Variants in C6 observed in about 807,000 individuals in gnomAD.
C6 encodes the protein complement C6, also known as complement component C6.
A neutral mutation model predicts 112.9 loss-of-function variants in C6; 101 were observed. The ratio of observed to expected loss-of-function variants is 0.89; its 90% CI spans 0.76 to 1.06. The LOEUF (loss-of-function observed/expected upper bound fraction) is 1.06, where lower values mean the gene tolerates loss of function less well. Ranked by LOEUF, C6 falls within the 50% of genes least tolerant of loss-of-function variation. C6 has a pLI of 0.00. For synonymous variants in C6, 431 were observed against 384.1 expected (o/e 1.12, Z -1.43); for missense variants, 1,202 against 1,104.6 (o/e 1.09, Z -1.25).
At chr5:41,186,036 G>T in intron 6 of C6, 34 bp downstream of exon 6, 5 of 1,613,336 alleles carry the variant, frequency 3.1e-6, no homozygotes, top group Non-Finnish European at 4.2e-6. Context: ...ATCACTGACG[G>T]TGTTGGAGTT....
intron 7 of C6, among the ~76,000 whole-genome samples, chr5:41,177,664 G>GAA (rs1235561874): frequency 6.6e-6 from 1 of 151,726 alleles, no homozygotes; most frequent in South Asian, 2.1e-4. Context: ...TGACACAAAA[G>GAA]AAAAAAAATA....
At chr5:41,161,070 CATA>C (rs776704418) in intron 10 of C6, among the ~76,000 whole-genome samples, 48 of 152,140 alleles carry the variant, frequency 3.2e-4, no homozygotes, top group Non-Finnish European at 6.8e-4. Context: ...ATTCTATTTT[CATA>C]ATGATTGAAA....
intron 7 of C6, among the ~76,000 whole-genome samples, chr5:41,178,080 C>A (rs745511195): frequency 6.6e-6 from 1 of 152,074 alleles, no homozygotes; most frequent in Non-Finnish European, 1.5e-5. Context: ...AGCACAATAA[C>A]CTCCATGGTG....
In C6 at chr5:41,260,782, A is replaced by C. The variant is rs946329137; in HGVS notation, c.-21+412T>G. Among the ~76,000 whole-genome samples the C allele has an allele frequency of 5.9e-5, 9 of 151,996 alleles. No individual in the cohort carries two copies. The South Asian group carries it at 6.2e-4, about 11-fold the overall frequency. On this transcript the variant is annotated intron_variant, in intron 1 of 17. Transcript: ENST00000263413. ...AAGAGTGAAACTCCATCTCAAAAAA[A>C]AAAACAAAACAAAAACAAACCAAAA...
intron 1 of C6, among the ~76,000 whole-genome samples, chr5:41,243,095 T>C (rs185010985): frequency 6.6e-6 from 1 of 152,290 alleles, no homozygotes; most frequent in African/African-American, 2.4e-5. Flanking sequence ...TTGGTGAATA[T>C]AGTGAATAAT....
intron 3 of C6, 65 bp downstream of exon 3, chr5:41,201,493 C>G: frequency 6.9e-7 from 1 of 1,454,072 alleles, no homozygotes; most frequent in Non-Finnish European, 9.6e-7. Context: ...TGCTGTTAAG[C>G]CTGTCAGGGA....
upstream of C6, among the ~76,000 whole-genome samples, chr5:41,217,626 A>C (rs1439799089): frequency 6.6e-6 from 1 of 152,138 alleles, no homozygotes; most frequent in Non-Finnish European, 1.5e-5. Flanking sequence ...AAATGGAATA[A>C]ACTCTTTGGT....
chr5:41,184,473 TTTTCTTTTC>T (rs1561141061), intron 6 of C6, among the ~76,000 whole-genome samples: 1 of 117,098 alleles, frequency 8.5e-6, no homozygotes, highest in Non-Finnish European at 1.9e-5. Flanking sequence ...TTTTCTTTTC[TTTTCTTTTC>T]TTTTTTTTTG....
chr5:41,160,178 C>T lies in C6; in HGVS notation c.1648G>A (p.Glu550Lys). 2 of 1,613,856 alleles carry T rather than the reference C, an allele frequency of 1.2e-6. No individual in the cohort carries two copies. The highest frequency in any genetic ancestry group is 1.7e-6 in the Non-Finnish European group (2 of 1,179,768). The stretch of plus-strand genomic sequence containing the variant: ...TCTGGAGACTGTTTCTCACAGTTCT[C>T]ACCATAGGTGCCACTCTGACACACA... ...LCVCQSGTYG[E>K]NCEKQSPDYK... Residue 550 changes from glutamate (E) to lysine (K), a missense_variant, in exon 11 of 18, where the codon GAG (glutamate) becomes AAG (lysine). Glu to Lys is a moderately conservative substitution (Grantham distance 56). Transcript: ENST00000337836.
intron 5 of C6, among the ~76,000 whole-genome samples, chr5:41,187,114 A>G (rs1341483988): frequency 6.6e-6 from 1 of 152,208 alleles, no homozygotes; most frequent in Non-Finnish European, 1.5e-5. Context: ...TGACCAAATA[A>G]CCTTGTCTTT....
intron 1 of C6, among the ~76,000 whole-genome samples, chr5:41,239,980 GT>G (rs1740595000): frequency 6.6e-6 from 1 of 152,106 alleles, no homozygotes; most frequent in Non-Finnish European, 1.5e-5. Flanking sequence ...CTGTTAGTCT[GT>G]GGGGGTTCTC....
chr5:41,228,052 T>C (rs1252075587), intron 1 of C6, among the ~76,000 whole-genome samples: 2 of 152,144 alleles, frequency 1.3e-5, no homozygotes, highest in South Asian at 4.1e-4. Context: ...TGTAGATCGA[T>C]TTTGGTAGTA....
chr5:41,237,051 C>T (rs144730560), intron 1 of C6, among the ~76,000 whole-genome samples: 2 of 148,812 alleles, frequency 1.3e-5, no homozygotes, highest in African/African-American at 5.0e-5. Flanking sequence ...TCTGAATAGA[C>T]CAATAACAGG....
intron 17 of C6, among the ~76,000 whole-genome samples, chr5:41,146,337 A>T (rs1432953059): frequency 3.3e-5 from 5 of 152,172 alleles, no homozygotes; most frequent in Admixed American, 3.3e-4. Flanking sequence ...TCCATTTTAG[A>T]TAGAGAAGGA....
intron 1 of C6, among the ~76,000 whole-genome samples, chr5:41,221,091 C>A (rs1739141053): frequency 6.6e-6 from 1 of 151,778 alleles, no homozygotes; most frequent in Non-Finnish European, 1.5e-5. Flanking sequence ...CTACTCCACC[C>A]TGTCCCAGCC....
chr5:41,214,430 TACATGGTA>T (rs1382791214), upstream of C6, among the ~76,000 whole-genome samples: 2 of 152,128 alleles, frequency 1.3e-5, no homozygotes, highest in Admixed American at 6.6e-5. Flanking sequence ...TAGTTTAATA[TACATGGTA>T]GTAACTTTCC....
At chr5:41,181,684 G>T in intron 6 of C6, 125 bp from the exon 7 acceptor site, 2 of 812,828 alleles carry the variant, frequency 2.5e-6, no homozygotes, top group Non-Finnish European at 4.0e-6. Context: ...GACACATTTT[G>T]CTAGAGAACA....
intron 14 of C6, 41 bp downstream of exon 14, chr5:41,154,931 T>C: frequency 6.2e-7 from 1 of 1,603,914 alleles, no homozygotes; most frequent in East Asian, 2.2e-5. Flanking sequence ...GCACATTCAT[T>C]CTGTAAAGTA....
At chr5:41,191,743 T>C (rs1750231221) in intron 5 of C6, among the ~76,000 whole-genome samples, 1 of 152,132 alleles carries the variant, frequency 6.6e-6, no homozygotes, top group Non-Finnish European at 1.5e-5. Flanking sequence ...TTTTTGTATA[T>C]TGATTGTGTA....
Sources: allele counts gnomAD v4.1 joint callset (sites outside exome capture counted in the v4.1 genomes callset), GRCh38; gene constraint gnomAD v4.1.1; transcripts MANE v1.5; gene names NCBI Gene and HGNC (gene_info 2026-07-23, HGNC 2026-07-21).